The following NEBL variants were observed in gnomAD, a reference collection of about 807,000 sequenced individuals.
The protein encoded by NEBL is nebulette.
NEBL carries 122 observed loss-of-function variants against 140.2 expected under a neutral mutation model. That is an observed-to-expected ratio of 0.87 (90% CI 0.75 to 1.01). The LOEUF (loss-of-function observed/expected upper bound fraction) is 1.01, where lower values mean the gene tolerates loss of function less well. Among genes scored for constraint, NEBL ranks in the 50% least tolerant of loss-of-function variants. The pLI is 0.00. For missense variants in NEBL, 1,365 were observed against 1,231.3 expected (o/e 1.11, Z -1.62); for synonymous variants, 436 against 398.9 (o/e 1.09, Z -1.11).
intron 3 of NEBL, among the ~76,000 whole-genome samples, chr10:21,204,627 G>A (rs998545726): frequency 6.6e-6 from 1 of 152,298 alleles, no homozygotes; most frequent in African/African-American, 2.4e-5. Context: ...AGGCTTCCAG[G>A]CTGTGGGATT....
At chr10:20,972,640 G>A (rs1050933305) in intron 3 of NEBL, among the ~76,000 whole-genome samples, 3 of 152,012 alleles carry the variant, frequency 2.0e-5, no homozygotes, top group Admixed American at 6.6e-5. Flanking sequence ...TCAGCTACTC[G>A]GGAGGCTGAG....
chr10:21,042,419 G>A (rs1834314974), intron 2 of NEBL, among the ~76,000 whole-genome samples: 2 of 152,308 alleles, frequency 1.3e-5, no homozygotes, highest in African/African-American at 2.4e-5. Context: ...GCTAAATACA[G>A]CCATTATTAA....
chr10:21,122,391 T>G (rs537493635), intron 2 of NEBL, among the ~76,000 whole-genome samples: 1 of 152,142 alleles, frequency 6.6e-6, no homozygotes, highest in African/African-American at 2.4e-5. Flanking sequence ...AAGTCAAAAC[T>G]CTACCATCTG....
chr10:20,823,241 C>T lies in NEBL; in HGVS notation c.1929G>A (p.Lys643=), dbSNP rs776462337. 1.2e-6 allele frequency: 2 copies of T among 1,609,742 alleles called. No individual in the cohort carries two copies. Among genetic ancestry groups the T allele is most frequent in the Non-Finnish European group, 1.7e-6 (2 of 1,178,326 alleles). ...ATAISDPPEL[K]RVKENQKNIS... ...TGTTCTTCTGGTTTTCTTTAACTCTCTTTAGTTCTGGAGGATCAGAAATGG... is the reference window on the plus strand; with the variant it reads ...TGTTCTTCTGGTTTTCTTTAACTCTTTTTAGTTCTGGAGGATCAGAAATGG... Residue 643 remains lysine, a synonymous_variant, in exon 19 of 28, where the codon AAG becomes AAA. Transcript: ENST00000377122.
intron 2 of NEBL, among the ~76,000 whole-genome samples, chr10:21,067,879 TGAG>T (rs1835640492): frequency 1.3e-5 from 2 of 152,102 alleles, no homozygotes; most frequent in South Asian, 4.1e-4. Flanking sequence ...CTCAGGAGGC[TGAG>T]GCAGGAGGAT....
chr10:20,969,110 A>ATT (rs1836454399), intron 3 of NEBL, among the ~76,000 whole-genome samples: 1 of 152,214 alleles, frequency 6.6e-6, no homozygotes, highest in African/African-American at 2.4e-5. Context: ...CAGAAAATTG[A>ATT]TTAATCTCAC....
At chr10:21,159,921 C>T (rs1257078314) in intron 2 of NEBL, among the ~76,000 whole-genome samples, 1 of 152,214 alleles carries the variant, frequency 6.6e-6, no homozygotes, top group Non-Finnish European at 1.5e-5. Context: ...TATTCCCCTG[C>T]TGGTCTCTTC....
At chr10:20,792,123 G>GAAAAAAAA (rs11286684) in intron 26 of NEBL, among the ~76,000 whole-genome samples, 4 of 106,722 alleles carry the variant, frequency 3.7e-5, no homozygotes, top group Non-Finnish European at 8.6e-5. Context: ...ATTCCAAATA[G>GAAAAAAAA]AAAAAAAAAA....
At chr10:21,176,201 C>T (rs556482592), upstream of NEBL, among the ~76,000 whole-genome samples, 4 of 152,138 alleles carry the variant, frequency 2.6e-5, no homozygotes, top group South Asian at 2.1e-4. Context: ...TGGGATCTTG[C>T]GGTGTTGCCC....
intron 2 of NEBL, among the ~76,000 whole-genome samples, chr10:21,033,886 CTG>C (rs1833904196): frequency 6.6e-6 from 1 of 151,952 alleles, no homozygotes; most frequent in Non-Finnish European, 1.5e-5. Context: ...AAACACCAGT[CTG>C]GGCACAGTGG....
intron 4 of NEBL, among the ~76,000 whole-genome samples, chr10:20,902,625 A>G (rs1441179688): frequency 6.6e-6 from 1 of 152,162 alleles, no homozygotes; most frequent in African/African-American, 2.4e-5. Flanking sequence ...GGGGCAGGAA[A>G]GTATTCTCAA....
At chr10:20,812,351 T>C (rs1182919106) in intron 24 of NEBL, among the ~76,000 whole-genome samples, 4 of 152,126 alleles carry the variant, frequency 2.6e-5, no homozygotes. Flanking sequence ...CTTGAAGTTC[T>C]AGGGTACATG....
chr10:21,126,203 A>G (rs1240113753), intron 2 of NEBL: 1 of 1,366,038 alleles, frequency 7.3e-7, no homozygotes, highest in Admixed American at 2.1e-5. Context: ...CATTTGGAAT[A>G]ATAACAACTA....
chr10:21,167,173 A>G (rs1840813781), intron 2 of NEBL, among the ~76,000 whole-genome samples: 1 of 152,218 alleles, frequency 6.6e-6, no homozygotes, highest in South Asian at 2.1e-4. Context: ...ACGAGAGGGA[A>G]TGTGAACACA....
chr10:21,196,377 T>C (rs1160562529), intron 3 of NEBL, among the ~76,000 whole-genome samples: 1 of 150,284 alleles, frequency 6.7e-6, no homozygotes, highest in East Asian at 2.0e-4. Flanking sequence ...AGAGTCTTGC[T>C]CTTGTTGCCC....
At chr10:21,277,211 T>TTC (rs1842936769) in intron 1 of NEBL, among the ~76,000 whole-genome samples, 1 of 149,134 alleles carries the variant, frequency 6.7e-6, no homozygotes, top group African/African-American at 2.5e-5. Flanking sequence ...TTTCTTTCTT[T>TTC]TTTTTTTTTT....
intron 4 of NEBL, among the ~76,000 whole-genome samples, chr10:20,923,065 T>TTC (rs1554807125): frequency 6.6e-6 from 1 of 152,088 alleles, no homozygotes. Flanking sequence ...CTTTTTCTTC[T>TTC]TTTTCTTTTC....
chr10:20,829,439 G>A (rs192114818), intron 16 of NEBL, among the ~76,000 whole-genome samples: 1 of 148,588 alleles, frequency 6.7e-6, no homozygotes, highest in East Asian at 2.0e-4. Flanking sequence ...ACTGTTGTGG[G>A]GTAGGGGGAG....
chr10:21,142,265 G>T (rs1839665706), intron 2 of NEBL, among the ~76,000 whole-genome samples: 2 of 152,082 alleles, frequency 1.3e-5, no homozygotes, highest in Admixed American at 1.3e-4. Flanking sequence ...AAATATTTAT[G>T]ACTTCACCCT....
Sources: gnomAD v4.1 joint callset for allele counts (sites outside exome capture counted in the v4.1 genomes callset) on GRCh38, gnomAD v4.1.1 for gene constraint, MANE v1.5 for transcripts, NCBI Gene and HGNC (gene_info 2026-07-23, HGNC 2026-07-21) for gene names.